The following TTLL7 variants were observed in gnomAD, a reference collection of about 807,000 sequenced individuals.
TTLL7 encodes tubulin polyglutamylase TTLL7.
Under a neutral mutation model 120.2 loss-of-function variants are expected in TTLL7, and 53 were observed. That is an observed-to-expected ratio of 0.44 (90% CI 0.35 to 0.55). TTLL7 has a LOEUF of 0.55. Among genes scored for constraint, TTLL7 ranks in the 20% least tolerant of loss-of-function variants. The probability of loss-of-function intolerance (pLI) is 0.00; values close to 1 mark genes in which losing one functional copy is unlikely to be tolerated. For missense variants in TTLL7, 803 were observed against 1,054.7 expected, an observed-to-expected ratio of 0.76 and a Z score of 3.31; for synonymous variants, 353 against 351.7, an observed-to-expected ratio of 1.00 and a Z score of -0.04.
intron 1 of TTLL7, among the ~76,000 whole-genome samples, chr1:83,969,017 G>A (rs1009548599): frequency 3.9e-5 from 6 of 151,916 alleles, no homozygotes; most frequent in African/African-American, 1.4e-4. Context: ...GAAATTAATA[G>A]TTTTAAATAA....
At chr1:83,960,257 G>C (rs1249965385) in intron 1 of TTLL7, among the ~76,000 whole-genome samples, 1 of 152,174 alleles carries the variant, frequency 6.6e-6, no homozygotes, top group Non-Finnish European at 1.5e-5. Context: ...AGGACTCTAA[G>C]AGGAGTAATA....
chr1:83,899,833 T>A (rs1656567800), intron 18 of TTLL7, among the ~76,000 whole-genome samples: 1 of 151,896 alleles, frequency 6.6e-6, no homozygotes, highest in Admixed American at 6.6e-5. Context: ...TCCCTCCACA[T>A]AACGGTGTAT....
At chr1:83,967,153 T>A (rs1480886531) in intron 1 of TTLL7, among the ~76,000 whole-genome samples, 1 of 152,116 alleles carries the variant, frequency 6.6e-6, no homozygotes, top group Non-Finnish European at 1.5e-5. Flanking sequence ...GTTGCATAGT[T>A]GAATTTGAAG....
intron 18 of TTLL7, among the ~76,000 whole-genome samples, chr1:83,899,668 T>A (rs1656548842): frequency 6.6e-6 from 1 of 151,926 alleles, no homozygotes; most frequent in South Asian, 2.1e-4. Context: ...GAATACATCG[T>A]TACACAAATA....
intron 18 of TTLL7, among the ~76,000 whole-genome samples, chr1:83,892,328 G>GTATATATGAATATATATACGAA (rs1381344590): frequency 0.2 from 4,954 of 24,214 alleles, 1,272 homozygotes; most frequent in South Asian, 0.27. Flanking sequence ...GAATATATAT[G>GTATATATGAATATATATACGAA]TATATATGAA....
At chr1:83,910,658 T>G (rs1464722994) in intron 15 of TTLL7, among the ~76,000 whole-genome samples, 1 of 152,076 alleles carries the variant, frequency 6.6e-6, no homozygotes, top group Non-Finnish European at 1.5e-5. Context: ...AGCCCTGACT[T>G]AAGTACTCAC....
At position 83,883,087 on chromosome 1, in the gene TTLL7, A is replaced by C; in HGVS notation, c.2419T>G (p.Leu807Val). The change falls in exon 20 of 21, where the codon TTG becomes GTG. Residue 807 changes from leucine to valine, a missense_variant. By Grantham distance (32) the Leu-to-Val change is conservative. This residue lies in a region of TTLL7 where 388 missense variants were observed against 450.4 expected (regional missense o/e 0.86). Transcript: ENST00000260505. ...FNKSPEVVTP[L>V]QLQCCQRLVE... is the part of the protein sequence containing the mutation. ...AGGCGCTGGCAACACTGGAGCTGCAAAGGAGTCACCACCTCCGGGCTTTTA... is the reference window on the plus strand; with the variant it reads ...AGGCGCTGGCAACACTGGAGCTGCACAGGAGTCACCACCTCCGGGCTTTTA... The C allele has an allele frequency of 6.2e-7, 1 of 1,612,028 alleles. No individual in the cohort carries two copies. Among genetic ancestry groups the C allele is most frequent in the Non-Finnish European group, 8.5e-7 (1 of 1,178,910 alleles).
chr1:83,900,212 C>A, intron 18 of TTLL7: 1 of 422,972 alleles, frequency 2.4e-6, no homozygotes, highest in Non-Finnish European at 4.6e-6. Context: ...AAGAAGACTA[C>A]AGAAAGAAGC....
At chr1:83,994,941 G>T (rs765457569) in intron 1 of TTLL7, among the ~76,000 whole-genome samples, 60 of 152,300 alleles carry the variant, frequency 3.9e-4, no homozygotes, top group African/African-American at 1.3e-3. Flanking sequence ...GGAATGCAGA[G>T]GTTTACAGCT....
intron 10 of TTLL7, 37 bp from the exon 11 acceptor site, chr1:83,921,431 G>A (rs371552306): frequency 7.5e-6 from 12 of 1,604,054 alleles, no homozygotes; most frequent in East Asian, 2.2e-5. Context: ...TCTAGAACTC[G>A]AACAAGTTCT....
At chr1:83,956,584 C>T (rs932347827) in intron 1 of TTLL7, among the ~76,000 whole-genome samples, 3 of 152,076 alleles carry the variant, frequency 2.0e-5, no homozygotes, top group Non-Finnish European at 2.9e-5. Context: ...TGCGCCACCA[C>T]ACCTGGCTAA....
intron 1 of TTLL7, among the ~76,000 whole-genome samples, chr1:83,959,068 T>G (rs1195017816): frequency 6.7e-6 from 1 of 149,914 alleles, no homozygotes; most frequent in African/African-American, 2.5e-5. Context: ...ATTGTGAAAT[T>G]ATATATTAAT....
chr1:83,964,689 A>C (rs1268269719), intron 1 of TTLL7, among the ~76,000 whole-genome samples: 2 of 152,122 alleles, frequency 1.3e-5, no homozygotes, highest in Non-Finnish European at 2.9e-5. Flanking sequence ...AGAGCTTCAC[A>C]GCTCCAAAAT....
chr1:83,913,049 A>C (rs919385751), intron 14 of TTLL7: 1 of 152,146 alleles, frequency 6.6e-6, no homozygotes, highest in African/African-American at 2.4e-5. Context: ...CCCTATAAAG[A>C]ATCACAAGGG....
intron 18 of TTLL7, among the ~76,000 whole-genome samples, chr1:83,901,398 C>T (rs1029979889): frequency 2.6e-5 from 4 of 151,900 alleles, no homozygotes; most frequent in African/African-American, 7.2e-5. Context: ...TGCTTCAGTA[C>T]CACTTAGTGG....
At chr1:83,874,436 T>C (rs954248030) in intron 20 of TTLL7, among the ~76,000 whole-genome samples, 1 of 152,174 alleles carries the variant, frequency 6.6e-6, no homozygotes, top group Non-Finnish European at 1.5e-5. Flanking sequence ...CTGTGAACAT[T>C]GGTATACAAG....
chr1:83,921,969 A>T (rs1658708815), intron 10 of TTLL7, among the ~76,000 whole-genome samples: 1 of 152,102 alleles, frequency 6.6e-6, no homozygotes, highest in African/African-American at 2.4e-5. Flanking sequence ...ATGAAAATTT[A>T]CTTATAACTC....
rs1036115332 is a variant in TTLL7, at chr1:83,865,841, T to C, written c.*4121A>G. 6.6e-5 allele frequency: 10 copies of C among 151,930 alleles called. No individual in the cohort carries two copies. The highest frequency in any genetic ancestry group is 4.6e-4 in the Admixed American group (7 of 15,262). The allele number at this position is 151,930 out of a possible 1,614,324, so 9.4% of individuals were successfully genotyped here. A position where few individuals can be genotyped will look rare whatever the true frequency, so the allele number is the denominator to read the frequency against. ...TTCTCTTTTCTTGAGGCTTTGTTAA[T>C]ACAAAGGTCAAAATTTCACCTTTGA... On this transcript the variant is annotated 3_prime_UTR_variant, in exon 21 of 21. Transcript: ENST00000260505.
chr1:83,898,657 ACTGT>A (rs1192445969), intron 18 of TTLL7, among the ~76,000 whole-genome samples: 3 of 152,040 alleles, frequency 2.0e-5, no homozygotes, highest in East Asian at 3.9e-4. Flanking sequence ...TCAGTCAGTC[ACTGT>A]CTGATCACTT....
Sources: gnomAD v4.1 joint callset for allele counts (sites outside exome capture counted in the v4.1 genomes callset) on GRCh38, gnomAD v4.1.1 for gene constraint, gnomAD v4.1.1 regional missense constraint, MANE v1.5 for transcripts, NCBI Gene and HGNC (gene_info 2026-07-23, HGNC 2026-07-21) for gene names.